The following AGTPBP1 variants were observed in gnomAD, a reference collection of about 807,000 sequenced individuals.
AGTPBP1 encodes ATP/GTP binding carboxypeptidase 1, also known as cytosolic carboxypeptidase 1.
AGTPBP1 carries 70 observed loss-of-function variants against 143.9 expected under a neutral mutation model. The observed-to-expected ratio is 0.49, with a 90% CI of 0.40 to 0.59. The LOEUF (loss-of-function observed/expected upper bound fraction) is 0.59. Among genes scored for constraint, AGTPBP1 ranks in the 20% least tolerant of loss-of-function variants. The pLI is 0.00. For synonymous variants in AGTPBP1, 463 were observed against 500.2 expected, an observed-to-expected ratio of 0.93 and a Z score of 0.99; for missense variants, 1,229 against 1,464.5, an observed-to-expected ratio of 0.84 and a Z score of 2.62.
At chr9:85,587,790 C>T (rs1828707806) in intron 21 of AGTPBP1, among the ~76,000 whole-genome samples, 1 of 152,038 alleles carries the variant, frequency 6.6e-6, no homozygotes, top group Non-Finnish European at 1.5e-5. Flanking sequence ...CTATATGCAG[C>T]CTCCTTTTAC....
the AGTPBP1 span, among the ~76,000 whole-genome samples, chr9:85,802,625 G>A: frequency 7.2e-5 from 11 of 152,132 alleles, no homozygotes; most frequent in African/African-American, 2.7e-4. Context: ...ACATTACCTA[G>A]AGTAGGCTAA....
chr9:85,605,457 TTCA>T (rs1167453436), intron 17 of AGTPBP1, among the ~76,000 whole-genome samples: 5 of 152,024 alleles, frequency 3.3e-5, no homozygotes, highest in Non-Finnish European at 7.4e-5. Flanking sequence ...GCTGAGGGAA[TTCA>T]TCAACATCAA....
At chr9:85,593,346 G>A (rs1038878490) in intron 18 of AGTPBP1, among the ~76,000 whole-genome samples, 6 of 152,088 alleles carry the variant, frequency 3.9e-5, no homozygotes, top group Non-Finnish European at 8.8e-5. Context: ...CTTCTTTAGC[G>A]AATGAATGAG....
At chr9:85,738,300 C>T (rs1465453335) in intron 1 of AGTPBP1, among the ~76,000 whole-genome samples, 1 of 148,086 alleles carries the variant, frequency 6.8e-6, no homozygotes, top group Non-Finnish European at 1.5e-5. Context: ...AAACCAAGAA[C>T]AAGTATGTAA....
chr9:85,550,140 G>A (rs186510404), intron 25 of AGTPBP1, among the ~76,000 whole-genome samples: 90 of 152,020 alleles, frequency 5.9e-4, no homozygotes, highest in Non-Finnish European at 7.5e-4. Context: ...GTAAGTTAGC[G>A]GTGCAAAGAG....
At chr9:85,624,592 G>A (rs1831156970) in intron 14 of AGTPBP1, among the ~76,000 whole-genome samples, 1 of 152,122 alleles carries the variant, frequency 6.6e-6, no homozygotes, top group Non-Finnish European at 1.5e-5. Context: ...AGAAGTACCT[G>A]TGTTTTCCAA....
chr9:85,734,752 C>T (rs1015195582), intron 1 of AGTPBP1, among the ~76,000 whole-genome samples: 6 of 152,104 alleles, frequency 3.9e-5, no homozygotes, highest in African/African-American at 1.4e-4. Flanking sequence ...ATTCCACTTC[C>T]GGGTATATAC....
At chr9:85,580,262 C>G (rs1276421834) in intron 23 of AGTPBP1, among the ~76,000 whole-genome samples, 1 of 150,974 alleles carries the variant, frequency 6.6e-6, no homozygotes, top group African/African-American at 2.4e-5. Context: ...AGAACTCTCT[C>G]TATATATTAC....
At position 85,592,835 on chromosome 9, in the gene AGTPBP1, C is replaced by T. The variant is rs963040236; in HGVS notation, c.2424-131G>A. The T allele has an allele frequency of 8.5e-6, 9 of 1,064,678 alleles. No individual in the cohort carries two copies. The African/African-American group carries it at 1.1e-4, about 13-fold the overall frequency. The allele number at this position is 1,064,678 out of a possible 1,614,324, so 66.0% of individuals were successfully genotyped here. The stretch of plus-strand genomic sequence containing the variant: ...CTGTAAAAAGTGTAACTTAAATACC[C>T]TATTTTAAAAAAACTTAGTACTAAT... On this transcript the variant is annotated intron_variant, in intron 18 of 25. Coordinates refer to ENST00000357081, the MANE Select transcript of AGTPBP1 (RefSeq NM_001330701.2).
chr9:85,770,643 ATGT>A, the AGTPBP1 span, among the ~76,000 whole-genome samples: 1 of 152,212 alleles, frequency 6.6e-6, no homozygotes, highest in Admixed American at 6.5e-5. Flanking sequence ...ATAGAACTAA[ATGT>A]TGTTATCTAA....
chr9:85,588,912 T>C (rs1157671480), intron 20 of AGTPBP1, among the ~76,000 whole-genome samples: 2 of 152,114 alleles, frequency 1.3e-5, no homozygotes, highest in African/African-American at 4.8e-5. Flanking sequence ...GAGAAACAAG[T>C]TTATCTGCTC....
At chr9:85,681,143 G>C (rs1177442410) in intron 4 of AGTPBP1, 125 bp downstream of exon 4, 1 of 791,614 alleles carries the variant, frequency 1.3e-6, no homozygotes. Context: ...TTACATATAC[G>C]TGTGTGTGTA....
At chr9:85,661,057 TAA>T (rs1833826690) in intron 8 of AGTPBP1, 84 bp from the exon 9 acceptor site, 2 of 1,178,954 alleles carry the variant, frequency 1.7e-6, no homozygotes, top group Non-Finnish European at 2.4e-6. Flanking sequence ...TCTTTTTCAA[TAA>T]GTCATTATTC....
At chr9:85,581,355 T>G (rs1285581640) in intron 23 of AGTPBP1, among the ~76,000 whole-genome samples, 2 of 152,242 alleles carry the variant, frequency 1.3e-5, no homozygotes, top group African/African-American at 4.8e-5. Flanking sequence ...CTGACTCAGA[T>G]GTCTTAGTGG....
chr9:85,641,029 T>C (rs181264242), intron 13 of AGTPBP1, among the ~76,000 whole-genome samples: 81 of 152,304 alleles, frequency 5.3e-4, no homozygotes, highest in African/African-American at 1.0e-3. Context: ...ACCCAGGACA[T>C]GACTCTTCCT....
intron 25 of AGTPBP1, among the ~76,000 whole-genome samples, chr9:85,565,702 C>A (rs1401402429): frequency 6.6e-6 from 1 of 152,180 alleles, no homozygotes; most frequent in Non-Finnish European, 1.5e-5. Flanking sequence ...CTGTGCCCTA[C>A]TGATTCCATA....
chr9:85,740,209 C>T (rs1013249284), intron 1 of AGTPBP1, among the ~76,000 whole-genome samples: 12 of 152,174 alleles, frequency 7.9e-5, no homozygotes, highest in African/African-American at 2.9e-4. Context: ...GCAATGTTGG[C>T]CAAATACGAG....
At chr9:85,676,040 A>G (rs1834811519) in intron 6 of AGTPBP1, among the ~76,000 whole-genome samples, 1 of 151,830 alleles carries the variant, frequency 6.6e-6, no homozygotes, top group Non-Finnish European at 1.5e-5. Flanking sequence ...AAAAAAAAAC[A>G]TTTCATTACT....
At chr9:85,562,144 C>T (rs145085304) in intron 25 of AGTPBP1, among the ~76,000 whole-genome samples, 7 of 151,562 alleles carry the variant, frequency 4.6e-5, no homozygotes, top group African/African-American at 1.7e-4. Context: ...TGAAGTAATG[C>T]CAAGTGTCCG....
Sources: gnomAD v4.1 joint callset for allele counts (sites outside exome capture counted in the v4.1 genomes callset) on GRCh38, gnomAD v4.1.1 for gene constraint, MANE v1.5 for transcripts, NCBI Gene and HGNC (gene_info 2026-07-23, HGNC 2026-07-21) for gene names.